The following JADE1 variants were observed in gnomAD, a reference collection of about 807,000 sequenced individuals.
JADE1 encodes protein Jade-1.
Under a neutral mutation model 81.8 loss-of-function variants are expected in JADE1, and 14 were observed. The observed-to-expected ratio is 0.17, with a 90% CI of 0.11 to 0.27. The LOEUF is 0.27. JADE1 is among the 10% of genes least tolerant of loss of function. The pLI, the probability that JADE1 is intolerant of heterozygous loss-of-function variation, is 1.00. For missense variants in JADE1, 690 were observed against 1,047.9 expected (o/e 0.66, Z 4.71); for synonymous variants, 353 against 391.9 (o/e 0.90, Z 1.17).
rs1331521822 is a variant in JADE1, at chr4:128,862,009, C to G, written c.1287C>G (p.Thr429=). Residue 429 remains threonine, a synonymous_variant, in exon 9 of 11, where the codon ACC becomes ACG. Transcript: ENST00000226319. Reference sequence around the variant, plus strand: ...AGCAGTTGGAGGATGAGTTCTACACCTTCGTCAACCTGCTGGATGTTGCCA... The same window carrying G: ...AGCAGTTGGAGGATGAGTTCTACACGTTCGTCAACCTGCTGGATGTTGCCA... ...KLQQLEDEFY[T]FVNLLDVARA... The G allele has an allele frequency of 6.2e-7, 1 of 1,614,162 alleles. No individual in the cohort carries two copies. Among genetic ancestry groups the G allele is most frequent in the South Asian group, 1.1e-5 (1 of 91,076 alleles).
chr4:128,858,720 A>G (rs1731015696), intron 8 of JADE1, among the ~76,000 whole-genome samples: 2 of 151,226 alleles, frequency 1.3e-5, no homozygotes, highest in Admixed American at 1.3e-4. Context: ...CTCCTGCCTC[A>G]GCCTCCTAAG....
At chr4:128,822,651 G>A (rs1157855382) in intron 1 of JADE1, among the ~76,000 whole-genome samples, 5 of 151,514 alleles carry the variant, frequency 3.3e-5, no homozygotes, top group Admixed American at 6.6e-5. Flanking sequence ...CCTGGGAGGC[G>A]GAGGTTGCGG....
In JADE1 at chr4:128,840,026, G is replaced by A. The variant is rs539306424; in HGVS notation, c.53-2927G>A. Reference sequence around the variant, plus strand: ...AGAGGAAAAGGAACAGACTATTTTTGGGTGGACTAGAGTTTCTCTTGGTTA... The same window carrying A: ...AGAGGAAAAGGAACAGACTATTTTTAGGTGGACTAGAGTTTCTCTTGGTTA... On this transcript the variant is annotated intron_variant, in intron 2 of 10. Coordinates refer to ENST00000226319, the MANE Select transcript of JADE1 (RefSeq NM_199320.4). Among the ~76,000 whole-genome samples the A allele has an allele frequency of 3.3e-5, 5 of 152,198 alleles. No homozygotes were observed. The East Asian group carries it at 9.6e-4, about 29-fold the overall frequency.
In JADE1 at chr4:128,822,069, T is replaced by C. The variant is rs541754763; in HGVS notation, c.-26-9664T>C. Among the ~76,000 whole-genome samples, 3 of 152,362 alleles carry C rather than the reference T, an allele frequency of 2.0e-5. No homozygotes were observed. In the South Asian group the frequency reaches 6.2e-4, roughly 32 times the overall value. Reference sequence around the variant, plus strand: ...ATTCTTTTAAAGCAAGACAATTCTTTGATACTGCATCTCAGGAAAGAGGTG... The same window carrying C: ...ATTCTTTTAAAGCAAGACAATTCTTCGATACTGCATCTCAGGAAAGAGGTG... On this transcript the variant is annotated intron_variant, in intron 1 of 10. Transcript: ENST00000226319.
chr4:128,850,641 C>A (rs1191671401), intron 5 of JADE1, among the ~76,000 whole-genome samples: 1 of 152,148 alleles, frequency 6.6e-6, no homozygotes, highest in Non-Finnish European at 1.5e-5. Flanking sequence ...TCTCAGAGAT[C>A]TTTTGGAATT....
intron 1 of JADE1, among the ~76,000 whole-genome samples, chr4:128,816,157 C>T (rs914491185): frequency 1.3e-5 from 2 of 152,034 alleles, no homozygotes; most frequent in Admixed American, 6.6e-5. Context: ...CTGTTTTCTC[C>T]GTTTTCAAGT....
chr4:128,855,933 C>T (rs924448868), intron 7 of JADE1, 136 bp downstream of exon 7: 2 of 648,128 alleles, frequency 3.1e-6, no homozygotes, highest in Admixed American at 3.3e-5. Flanking sequence ...GATCCTCCCA[C>T]CTCAGCCTTT....
At chr4:128,866,942 G>A (rs17013866) in intron 9 of JADE1, among the ~76,000 whole-genome samples, 3,405 of 152,276 alleles carry the variant, frequency 0.022, 109 homozygotes, top group African/African-American at 0.074. Flanking sequence ...TGAAGGATTA[G>A]GGGAGTTTAG....
intron 5 of JADE1, among the ~76,000 whole-genome samples, chr4:128,849,500 C>G (rs931438665): frequency 1.3e-5 from 2 of 152,196 alleles, no homozygotes; most frequent in South Asian, 4.1e-4. Context: ...GTTACCTGCT[C>G]TAGTGTTTTT....
chr4:128,818,861 G>A (rs1343969152), intron 1 of JADE1, among the ~76,000 whole-genome samples: 1 of 152,106 alleles, frequency 6.6e-6, no homozygotes, highest in Non-Finnish European at 1.5e-5. Context: ...TTGGTTGATT[G>A]ATTGATTTGA....
At chr4:128,862,682 A>C in intron 9 of JADE1, 3 of 1,013,406 alleles carry the variant, frequency 3.0e-6, no homozygotes, top group Non-Finnish European at 3.6e-6. Flanking sequence ...AAACACACCT[A>C]GGTGCTGGTG....
intron 2 of JADE1, among the ~76,000 whole-genome samples, chr4:128,841,019 T>C (rs1035177326): frequency 4.6e-5 from 7 of 152,234 alleles, no homozygotes; most frequent in African/African-American, 1.4e-4. Flanking sequence ...AATCTGATGA[T>C]AGGCTTATGT....
rs535546716 is a variant in JADE1 at position 128,873,926 on chromosome 4, T to C, written c.*1664T>C. On this transcript the variant is annotated 3_prime_UTR_variant, in exon 11 of 11. Transcript: ENST00000226319. ...TTTTATCAGATGATCAAATAGTAGA[T>C]CTGATACATCCCCATTGTATGTACG... 5 of 152,776 alleles carry C rather than the reference T, an allele frequency of 3.3e-5. No homozygotes were observed. The highest frequency in any genetic ancestry group is 3.3e-4 in the Admixed American group (5 of 15,304). The allele number at this position is 152,776 out of a possible 1,614,324, so 9.5% of individuals were successfully genotyped here.
At chr4:128,852,378 C>G (rs1018566386) in intron 6 of JADE1, 110 bp downstream of exon 6, 3 of 825,036 alleles carry the variant, frequency 3.6e-6, no homozygotes, top group Non-Finnish European at 5.9e-6. Flanking sequence ...GTCTGTGTTT[C>G]TACGATTTAA....
At chr4:128,820,202 C>A (rs187423514) in intron 1 of JADE1, among the ~76,000 whole-genome samples, 21 of 152,084 alleles carry the variant, frequency 1.4e-4, no homozygotes, top group African/African-American at 4.8e-4. Context: ...ACCTCCATCT[C>A]CTGGGTTCAT....
At chr4:128,849,543 C>T (rs1730166565) in intron 5 of JADE1, among the ~76,000 whole-genome samples, 1 of 152,186 alleles carries the variant, frequency 6.6e-6, no homozygotes, top group African/African-American at 2.4e-5. Flanking sequence ...CCTTCTTTAG[C>T]CGTGGTTTGC....
intron 5 of JADE1, among the ~76,000 whole-genome samples, chr4:128,850,243 G>T (rs1277740947): frequency 6.6e-6 from 1 of 150,764 alleles, no homozygotes; most frequent in African/African-American, 2.4e-5. Flanking sequence ...ACTTGAGGGG[G>T]TGGAGGTTTC....
chr4:128,848,015 C>T (rs368010288), intron 4 of JADE1, among the ~76,000 whole-genome samples: 1 of 152,142 alleles, frequency 6.6e-6, no homozygotes, highest in East Asian at 1.9e-4. Flanking sequence ...AGTTGGAAGG[C>T]ACCACTCCAG....
intron 9 of JADE1, among the ~76,000 whole-genome samples, chr4:128,867,238 C>T (rs1019882761): frequency 6.6e-6 from 1 of 152,212 alleles, no homozygotes; most frequent in Non-Finnish European, 1.5e-5. Context: ...CATAGCAACA[C>T]ATAAGCTACC....
Sources: gnomAD v4.1 joint callset for allele counts (sites outside exome capture counted in the v4.1 genomes callset) on GRCh38, gnomAD v4.1.1 for gene constraint, MANE v1.5 for transcripts, NCBI Gene and HGNC (gene_info 2026-07-23, HGNC 2026-07-21) for gene names.